Variants in SPOCK3 observed in about 807,000 individuals in gnomAD.
SPOCK3 encodes SPARC (osteonectin), cwcv and kazal like domains proteoglycan 3, also known as testican-3.
In SPOCK3, 30 loss-of-function variants were observed where a neutral mutation model predicts 56.6. The observed-to-expected ratio is 0.53, with a 90% CI of 0.40 to 0.72. SPOCK3 has a LOEUF of 0.72. Ranked by LOEUF, SPOCK3 falls within the 30% of genes least tolerant of loss-of-function variation. The probability of loss-of-function intolerance (pLI) is 0.00; values close to 1 mark genes in which losing one functional copy is unlikely to be tolerated. For missense variants in SPOCK3, 527 were observed against 530.0 expected (o/e 0.99, Z 0.06); for synonymous variants, 196 against 183.3 (o/e 1.07, Z -0.56).
intron 6 of SPOCK3, among the ~76,000 whole-genome samples, chr4:166,859,445 G>A (rs183111553): frequency 3.3e-5 from 5 of 152,180 alleles, no homozygotes; most frequent in African/African-American, 9.6e-5. Context: ...TTGCACAAAT[G>A]TATTTACTCT....
At chr4:167,007,840 G>C (rs1305927558) in intron 3 of SPOCK3, among the ~76,000 whole-genome samples, 1 of 152,088 alleles carries the variant, frequency 6.6e-6, no homozygotes, top group East Asian at 1.9e-4. Flanking sequence ...AAGGTGACAG[G>C]ACAGTGTTTA....
chr4:167,102,733 C>T (rs780083123), intron 2 of SPOCK3, among the ~76,000 whole-genome samples: 12 of 151,842 alleles, frequency 7.9e-5, no homozygotes, highest in African/African-American at 1.7e-4. Context: ...TCCATCCCAG[C>T]GGTTGAAACG....
chr4:166,919,212 T>A (rs1042939705), intron 4 of SPOCK3, among the ~76,000 whole-genome samples: 1 of 152,200 alleles, frequency 6.6e-6, no homozygotes, highest in Non-Finnish European at 1.5e-5. Context: ...CCAACAAGTA[T>A]GATGTAGAAA....
intron 2 of SPOCK3, among the ~76,000 whole-genome samples, chr4:167,200,631 G>A (rs1231750420): frequency 1.3e-5 from 2 of 152,044 alleles, no homozygotes; most frequent in African/African-American, 2.4e-5. Flanking sequence ...TAAGGAGCAA[G>A]AGAAGGTCAA....
chr4:166,938,622 G>T (rs1444850215), intron 4 of SPOCK3, among the ~76,000 whole-genome samples: 1 of 151,162 alleles, frequency 6.6e-6, no homozygotes, highest in Non-Finnish European at 1.5e-5. Flanking sequence ...GGGGAGAAAA[G>T]AATAAAAATA....
intron 8 of SPOCK3, among the ~76,000 whole-genome samples, chr4:166,747,810 CA>C (rs1273123320): frequency 1.3e-5 from 2 of 151,914 alleles, no homozygotes; most frequent in Admixed American, 1.3e-4. Flanking sequence ...AATCAATGTG[CA>C]AAAATCACAA....
At chr4:167,146,508 A>C (rs1278004284) in intron 2 of SPOCK3, among the ~76,000 whole-genome samples, 1 of 152,166 alleles carries the variant, frequency 6.6e-6, no homozygotes, top group Non-Finnish European at 1.5e-5. Context: ...CAGAATATAC[A>C]TTCTTCTCAG....
At chr4:166,844,702 A>G (rs1229873392) in intron 6 of SPOCK3, among the ~76,000 whole-genome samples, 1 of 151,396 alleles carries the variant, frequency 6.6e-6, no homozygotes, top group Non-Finnish European at 1.5e-5. Context: ...AGATATACAT[A>G]TCTATACAGA....
intron 2 of SPOCK3, among the ~76,000 whole-genome samples, chr4:167,066,893 G>A (rs1438361587): frequency 6.6e-6 from 1 of 151,868 alleles, no homozygotes; most frequent in Non-Finnish European, 1.5e-5. Flanking sequence ...TTACAACTAG[G>A]CTTTGTACAG....
intron 3 of SPOCK3, among the ~76,000 whole-genome samples, chr4:167,035,187 C>CA (rs1752627344): frequency 6.6e-6 from 1 of 151,890 alleles, no homozygotes; most frequent in African/African-American, 2.4e-5. Context: ...GGTCAAAGGA[C>CA]AAAAAAAGCT....
intron 6 of SPOCK3, among the ~76,000 whole-genome samples, chr4:166,799,647 T>C (rs1442521585): frequency 6.6e-6 from 1 of 152,120 alleles, no homozygotes; most frequent in Non-Finnish European, 1.5e-5. Flanking sequence ...CCAACAAGCC[T>C]GTAGTTGAGA....
intron 4 of SPOCK3, among the ~76,000 whole-genome samples, chr4:166,933,404 C>A (rs528026511): frequency 1.4e-4 from 22 of 152,258 alleles, no homozygotes; most frequent in African/African-American, 5.3e-4. Context: ...GCTCTGGATG[C>A]CCAGCCATAA....
At chr4:166,898,658 T>C (rs1683136983) in intron 5 of SPOCK3, among the ~76,000 whole-genome samples, 1 of 152,194 alleles carries the variant, frequency 6.6e-6, no homozygotes, top group African/African-American at 2.4e-5. Context: ...TATATACTTG[T>C]ACTTTTTTAT....
intron 4 of SPOCK3, among the ~76,000 whole-genome samples, chr4:166,935,003 A>T (rs945336457): frequency 2.6e-5 from 4 of 152,212 alleles, no homozygotes; most frequent in African/African-American, 9.6e-5. Context: ...TCTGAGAAGC[A>T]AAAAAGTCGG....
rs1361712392 is a variant in SPOCK3, at chr4:167,234,113, C to T, written c.61G>A (p.Ala21Thr). ...CAAAWCSQSL[A>T]AAAAVAAAGG... is the part of the protein sequence containing the mutation. The stretch of plus-strand genomic sequence containing the variant: ...GCTGCAGCCACCGCCGCGGCAGCTG[C>T]GAGAGACTGACTGCACCAAGCGGCT... The change falls in exon 2 of 11, where the codon GCA becomes ACA. Residue 21 changes from alanine to threonine, a missense_variant. Coordinates refer to ENST00000357545, the MANE Select transcript of SPOCK3 (RefSeq NM_001040159.2). 2.5e-6 allele frequency: 4 copies of T among 1,613,772 alleles called. No homozygotes were observed. Among genetic ancestry groups the T allele is most frequent in the Admixed American group, 1.7e-5 (1 of 59,994 alleles).
chr4:166,929,420 A>G (rs1333369646), intron 4 of SPOCK3, among the ~76,000 whole-genome samples: 1 of 152,166 alleles, frequency 6.6e-6, no homozygotes, highest in East Asian at 1.9e-4. Flanking sequence ...TGTGCTCACA[A>G]TGTAGGTGCA....
intron 2 of SPOCK3, among the ~76,000 whole-genome samples, chr4:167,102,922 G>GAAAAA (rs55740507): frequency 1.4e-4 from 9 of 62,528 alleles, no homozygotes; most frequent in African/African-American, 4.3e-4. Context: ...ATAGCTTGCA[G>GAAAAA]AAAAAAAAAA....
At chr4:166,900,705 T>C (rs936932152) in intron 5 of SPOCK3, among the ~76,000 whole-genome samples, 1 of 152,102 alleles carries the variant, frequency 6.6e-6, no homozygotes, top group African/African-American at 2.4e-5. Flanking sequence ...GTCGAAAACA[T>C]AATGGGTCTC....
chr4:166,770,231 G>A lies in SPOCK3; in HGVS notation c.710-15502C>T, dbSNP rs562706382. Among the ~76,000 whole-genome samples the A allele has an allele frequency of 8.5e-5, 13 of 152,148 alleles. No individual in the cohort carries two copies. The South Asian group carries it at 2.1e-3, about 24-fold the overall frequency. On this transcript the variant is annotated intron_variant, in intron 7 of 10. Coordinates refer to ENST00000357545, the MANE Select transcript of SPOCK3 (RefSeq NM_001040159.2). ...CCGATAAGCCCCAGTGAGATGAACC[G>A]GGTACCTCAGTTGGAAATGCAGAAA...
Sources: allele counts gnomAD v4.1 joint callset (sites outside exome capture counted in the v4.1 genomes callset), GRCh38; gene constraint gnomAD v4.1.1; transcripts MANE v1.5; gene names NCBI Gene and HGNC (gene_info 2026-07-23, HGNC 2026-07-21).